The following CNTNAP2 variants were observed in gnomAD, a reference collection of about 807,000 sequenced individuals.
The protein encoded by CNTNAP2 is contactin associated protein 2, also known as contactin-associated protein-like 2.
CNTNAP2 carries 98 observed loss-of-function variants against 155.2 expected under a neutral mutation model. The ratio of observed to expected loss-of-function variants is 0.63; its 90% CI spans 0.54 to 0.75. CNTNAP2 has a LOEUF of 0.75. CNTNAP2 is among the 30% of genes least tolerant of loss of function. The pLI is 0.00. For missense variants in CNTNAP2, 1,727 were observed against 1,688.1 expected (o/e 1.02, Z -0.40); for synonymous variants, 651 against 631.2 (o/e 1.03, Z -0.47).
At chr7:146,817,520 G>T (rs1014595334) in intron 2 of CNTNAP2, among the ~76,000 whole-genome samples, 1 of 151,908 alleles carries the variant, frequency 6.6e-6, no homozygotes, top group Non-Finnish European at 1.5e-5. Context: ...ATAAAAAGAG[G>T]TTTTATTGGC....
chr7:148,401,792 G>A (rs1254880566), intron 22 of CNTNAP2, among the ~76,000 whole-genome samples: 4 of 151,996 alleles, frequency 2.6e-5, no homozygotes, highest in African/African-American at 9.7e-5. Context: ...TAGAGACGGG[G>A]TTTCACCGTG....
rs1396107349 is a variant in CNTNAP2, at chr7:147,034,566, CA to C, written c.403-9339del. Among the ~76,000 whole-genome samples, 3 of 152,200 alleles carry C rather than the reference CA, an allele frequency of 2.0e-5. No individual in the cohort carries two copies. The East Asian group carries it at 5.8e-4, about 29-fold the overall frequency. ...TTCAATTAGACCCCCTGCCTTACTG[CA>C]AGGACAGAGAGCTTTCTGTACCCTG... On this transcript the variant is annotated intron_variant, in intron 3 of 23. Transcript: ENST00000361727.
At position 147,066,293 on chromosome 7, in the gene CNTNAP2, C is replaced by T. The variant is rs563664878; in HGVS notation, c.550+22239C>T. Among the ~76,000 whole-genome samples, 26 of 152,284 alleles carry T rather than the reference C, an allele frequency of 1.7e-4. No individual in the cohort carries two copies. In the South Asian group the frequency reaches 5.2e-3, roughly 30 times the overall value. Reference sequence around the variant, plus strand: ...TTCGTCAGTTCTGTTACCATTACAGCCAAGACATCATACGACAGACTACTT... The same window carrying T: ...TTCGTCAGTTCTGTTACCATTACAGTCAAGACATCATACGACAGACTACTT... On this transcript the variant is annotated intron_variant, in intron 4 of 23. Transcript: ENST00000361727.
chr7:147,356,703 A>G (rs1796067743), intron 9 of CNTNAP2, among the ~76,000 whole-genome samples: 1 of 152,170 alleles, frequency 6.6e-6, no homozygotes, highest in Non-Finnish European at 1.5e-5. Flanking sequence ...GAAATATTTC[A>G]TGAAAAAACA....
chr7:146,668,705 C>T (rs910124493), intron 1 of CNTNAP2, among the ~76,000 whole-genome samples: 1 of 151,886 alleles, frequency 6.6e-6, no homozygotes, highest in African/African-American at 2.4e-5. Context: ...AGGTTTTCTC[C>T]TTCTTCCTGG....
intron 1 of CNTNAP2, among the ~76,000 whole-genome samples, chr7:146,604,238 A>G (rs1355273494): frequency 2.4e-4 from 12 of 49,194 alleles, no homozygotes; most frequent in Admixed American, 7.3e-4. Flanking sequence ...AAAAAAACAA[A>G]CAACCCCATC....
chr7:147,645,537 A>C (rs1336666396), intron 13 of CNTNAP2, among the ~76,000 whole-genome samples: 1 of 152,218 alleles, frequency 6.6e-6, no homozygotes, highest in Admixed American at 6.5e-5. Context: ...AATTGTATCG[A>C]GTAATGTTTC....
At chr7:147,452,816 A>C (rs1342905201) in intron 10 of CNTNAP2, among the ~76,000 whole-genome samples, 7 of 152,212 alleles carry the variant, frequency 4.6e-5, no homozygotes, top group African/African-American at 1.7e-4. Flanking sequence ...ATGGAGATAG[A>C]AGGTAAAGAA....
chr7:146,229,908 C>T (rs555693874), intron 1 of CNTNAP2, among the ~76,000 whole-genome samples: 3 of 152,064 alleles, frequency 2.0e-5, no homozygotes, highest in African/African-American at 4.8e-5. Flanking sequence ...CAGAGTCAAT[C>T]GTGACTGTTT....
chr7:147,090,511 A>AC, intron 4 of CNTNAP2, among the ~76,000 whole-genome samples: 1 of 152,134 alleles, frequency 6.6e-6, no homozygotes, highest in Non-Finnish European at 1.5e-5. Context: ...GTCCCAGGTA[A>AC]CTGCAGCCAT....
intron 1 of CNTNAP2, among the ~76,000 whole-genome samples, chr7:146,346,889 G>A (rs1794826467): frequency 6.6e-6 from 1 of 152,114 alleles, no homozygotes; most frequent in South Asian, 2.1e-4. Context: ...CCATTAATCT[G>A]TGTCATGGGA....
intron 2 of CNTNAP2, among the ~76,000 whole-genome samples, chr7:146,780,058 G>A (rs1200162029): frequency 1.3e-5 from 2 of 152,138 alleles, no homozygotes; most frequent in African/African-American, 4.8e-5. Flanking sequence ...GGGTCAAATG[G>A]TATTTCTGGT....
At position 147,562,131 on chromosome 7, in the gene CNTNAP2, G is replaced by A. The variant is rs771225636; in HGVS notation, c.1778-7G>A. On this transcript the variant is annotated splice_region_variant and splice_polypyrimidine_tract_variant and intron_variant, in intron 11 of 23. Coordinates refer to ENST00000361727, the MANE Select transcript of CNTNAP2 (RefSeq NM_014141.6). ...TGTGCTTATGTAGGATATTTTGTTTGTTCTAGCTATCTACGAGCCTTCCTG... is the reference window on the plus strand; with the variant it reads ...TGTGCTTATGTAGGATATTTTGTTTATTCTAGCTATCTACGAGCCTTCCTG... 6 of 1,613,874 alleles carry A rather than the reference G, an allele frequency of 3.7e-6. No individual in the cohort carries two copies. The Admixed American group carries it at 6.7e-5, about 18-fold the overall frequency.
intron 3 of CNTNAP2, among the ~76,000 whole-genome samples, chr7:146,956,155 C>T (rs1431468947): frequency 1.3e-5 from 2 of 151,954 alleles, no homozygotes; most frequent in Non-Finnish European, 2.9e-5. Context: ...CTAACTTTCC[C>T]ATTTGTTTGT....
chr7:148,368,058 C>T (rs896723612), intron 21 of CNTNAP2, among the ~76,000 whole-genome samples: 11 of 152,174 alleles, frequency 7.2e-5, no homozygotes, highest in African/African-American at 2.7e-4. Flanking sequence ...AAATGAAAAT[C>T]AACAGCCCTC....
At chr7:146,528,933 A>G (rs919486036) in intron 1 of CNTNAP2, among the ~76,000 whole-genome samples, 6 of 152,182 alleles carry the variant, frequency 3.9e-5, no homozygotes, top group Non-Finnish European at 1.5e-5. Flanking sequence ...ATATCAAGAA[A>G]GCGGAAGCAA....
intron 1 of CNTNAP2, among the ~76,000 whole-genome samples, chr7:146,339,702 G>T (rs1801340674): frequency 6.6e-6 from 1 of 152,112 alleles, no homozygotes; most frequent in South Asian, 2.1e-4. Context: ...AACAAAAGTA[G>T]ATGTGAATGA....
At chr7:146,181,155 G>C (rs1050398154) in intron 1 of CNTNAP2, among the ~76,000 whole-genome samples, 1 of 152,026 alleles carries the variant, frequency 6.6e-6, no homozygotes, top group South Asian at 2.1e-4. Context: ...AAGCACTTTG[G>C]GGGAACAACA....
intron 12 of CNTNAP2, among the ~76,000 whole-genome samples, chr7:147,614,080 A>T (rs1430579268): frequency 6.6e-6 from 1 of 152,190 alleles, no homozygotes; most frequent in Admixed American, 6.5e-5. Context: ...TTAAGTTTTT[A>T]AAAATTTGTT....
Sources: allele counts gnomAD v4.1 joint callset (sites outside exome capture counted in the v4.1 genomes callset), GRCh38; gene constraint gnomAD v4.1.1; transcripts MANE v1.5; gene names NCBI Gene and HGNC (gene_info 2026-07-23, HGNC 2026-07-21).